The following DPF3 variants were observed in gnomAD, a reference collection of about 807,000 sequenced individuals.
DPF3 encodes double PHD fingers 3.
In DPF3, 18 loss-of-function variants were observed where a neutral mutation model predicts 56.8. The observed-to-expected ratio is 0.32, with a 90% CI of 0.22 to 0.47. The LOEUF (loss-of-function observed/expected upper bound fraction) is 0.47, where lower values mean the gene tolerates loss of function less well. Ranked by LOEUF, DPF3 falls within the 20% of genes least tolerant of loss-of-function variation. The pLI is 1.00. For missense variants in DPF3, 403 were observed against 488.8 expected, an observed-to-expected ratio of 0.82 and a Z score of 1.65; for synonymous variants, 188 against 180.2, an observed-to-expected ratio of 1.04 and a Z score of -0.35.
chr14:72,739,692 G>C (rs1402055804), intron 3 of DPF3, among the ~76,000 whole-genome samples: 4 of 152,192 alleles, frequency 2.6e-5, no homozygotes, highest in Non-Finnish European at 5.9e-5. Context: ...CGCTGGTGCT[G>C]CTCCAAGTCC....
chr14:72,845,159 C>G (rs1884698579), intron 1 of DPF3, among the ~76,000 whole-genome samples: 1 of 152,122 alleles, frequency 6.6e-6, no homozygotes, highest in African/African-American at 2.4e-5. Context: ...CCCACTCCAC[C>G]CTAACTCCCT....
At chr14:72,890,220 G>T (rs1173815751) in intron 1 of DPF3, among the ~76,000 whole-genome samples, 1 of 152,120 alleles carries the variant, frequency 6.6e-6, no homozygotes, top group Non-Finnish European at 1.5e-5. Flanking sequence ...GCCAGACATC[G>T]TGGCTCACTC....
intron 1 of DPF3, among the ~76,000 whole-genome samples, chr14:72,824,360 G>A (rs1341576028): frequency 2.0e-5 from 3 of 152,092 alleles, no homozygotes; most frequent in Admixed American, 1.3e-4. Context: ...ACACTTTCAC[G>A]TGTCCACACT....
At chr14:72,721,303 C>T (rs1889163024) in intron 5 of DPF3, among the ~76,000 whole-genome samples, 1 of 152,198 alleles carries the variant, frequency 6.6e-6, no homozygotes, top group Non-Finnish European at 1.5e-5. Context: ...CCACTGACTG[C>T]AAGCTCAATC....
intron 1 of DPF3, chr14:72,836,198 G>C: frequency 1.0e-6 from 1 of 985,858 alleles, no homozygotes; most frequent in Non-Finnish European, 1.2e-6. Flanking sequence ...GGGGCACTGA[G>C]GACAGAGCAC....
intron 1 of DPF3, among the ~76,000 whole-genome samples, chr14:72,826,495 T>C (rs1355348862): frequency 6.6e-6 from 1 of 152,028 alleles, no homozygotes; most frequent in African/African-American, 2.4e-5. Flanking sequence ...CTAAAGAAAA[T>C]TGCCTCTATC....
chr14:72,823,647 T>C (rs1883654977), intron 1 of DPF3, among the ~76,000 whole-genome samples: 1 of 152,172 alleles, frequency 6.6e-6, no homozygotes. Context: ...AAGAATTCTT[T>C]CTTGGCTTCC....
intron 1 of DPF3, among the ~76,000 whole-genome samples, chr14:72,890,629 C>T (rs1308833891): frequency 6.6e-6 from 1 of 152,098 alleles, no homozygotes; most frequent in Admixed American, 6.6e-5. Context: ...TACTTCACTA[C>T]CTGGGCCTTA....
intron 1 of DPF3, among the ~76,000 whole-genome samples, chr14:72,881,318 TTGTTGTTGTTGTTGTTGC>T (rs1462111980): frequency 6.4e-5 from 9 of 141,638 alleles, no homozygotes; most frequent in Non-Finnish European, 1.5e-4. Context: ...GTTGTTGTTG[TTGTTGTTGTTGTTGTTGC>T]TGTTGTTGTT....
At chr14:72,667,457 C>G (rs1225575091) in intron 8 of DPF3, among the ~76,000 whole-genome samples, 2 of 152,172 alleles carry the variant, frequency 1.3e-5, no homozygotes, top group Non-Finnish European at 2.9e-5. Context: ...CAGGGTGGTA[C>G]TTTACTGAGC....
intron 7 of DPF3, among the ~76,000 whole-genome samples, chr14:72,677,356 C>T (rs1447583432): frequency 1.4e-4 from 22 of 152,162 alleles, no homozygotes; most frequent in African/African-American, 2.4e-5. Context: ...TGCTTATGCA[C>T]CTGATTTTCT....
chr14:72,837,653 G>A (rs1199222310), intron 1 of DPF3, among the ~76,000 whole-genome samples: 2 of 152,030 alleles, frequency 1.3e-5, no homozygotes, highest in African/African-American at 2.4e-5. Context: ...CAGAAGAATC[G>A]CTTGAACCTG....
chr14:72,714,371 C>T (rs1157026254), intron 6 of DPF3, 52 bp downstream of exon 6: 3 of 1,605,740 alleles, frequency 1.9e-6, no homozygotes, highest in African/African-American at 2.7e-5. Flanking sequence ...GAAGAGGGGC[C>T]CTGGGGGCAG....
At chr14:72,793,144 G>T (rs914905594) in intron 1 of DPF3, among the ~76,000 whole-genome samples, 2 of 152,230 alleles carry the variant, frequency 1.3e-5, no homozygotes, top group Non-Finnish European at 2.9e-5. Flanking sequence ...GAAATCAATA[G>T]AACTGCCTTG....
Position 72,619,980 on chromosome 14 carries a change from T to TG in DPF3, c.988dup (p.Gln330ProfsTer7), listed in dbSNP as rs1567177859. On this transcript the variant is annotated frameshift_variant, in exon 10 of 11. Coordinates refer to ENST00000556509, the MANE Select transcript of DPF3 (RefSeq NM_001280542.3). LOFTEE classifies it high-confidence loss of function. ...GTCACAGTCATCGCAGAAGAGTAGCTGGTCCTGGTGGAACACAGAGTAAGC... is the reference window on the plus strand; with the variant it reads ...GTCACAGTCATCGCAGAAGAGTAGCTGGGTCCTGGTGGAACACAGAGTAAGC... 6.5e-7 allele frequency: 1 copy of TG among 1,534,014 alleles called. No homozygotes were observed. Among genetic ancestry groups the TG allele is most frequent in the East Asian group, 2.4e-5 (1 of 40,856 alleles).
intron 8 of DPF3, among the ~76,000 whole-genome samples, chr14:72,634,849 G>A (rs1885341754): frequency 6.6e-6 from 1 of 151,896 alleles, no homozygotes; most frequent in Non-Finnish European, 1.5e-5. Flanking sequence ...GGCCCCCCTG[G>A]GTGCCATGAT....
intron 8 of DPF3, among the ~76,000 whole-genome samples, chr14:72,637,340 AC>A (rs1885413106): frequency 6.6e-6 from 1 of 152,182 alleles, no homozygotes; most frequent in South Asian, 2.1e-4. Flanking sequence ...TATACAATTT[AC>A]TCGACTCAAC....
intron 2 of DPF3, among the ~76,000 whole-genome samples, chr14:72,764,381 T>C (rs1316621742): frequency 2.0e-5 from 3 of 151,988 alleles, no homozygotes; most frequent in Non-Finnish European, 4.4e-5. Context: ...TCATGTCTCT[T>C]TTCCCCTTAC....
rs1036324579 is a variant in DPF3 at position 72,613,521 on chromosome 14, G to T, written c.*5776C>A. Among the ~76,000 whole-genome samples, 4 of 152,196 alleles carry T rather than the reference G, an allele frequency of 2.6e-5. No individual in the cohort carries two copies. Among genetic ancestry groups the T allele is most frequent in the African/African-American group, 7.2e-5 (3 of 41,446 alleles). On this transcript the variant is annotated 3_prime_UTR_variant, in exon 11 of 11. Transcript: ENST00000556509. ...GAAGGTCCCTCTCTCAAGGCCACCT[G>T]CCCTATGACCTGAGGTTGGCACTGG...
Sources: gnomAD v4.1 joint callset for allele counts (sites outside exome capture counted in the v4.1 genomes callset) on GRCh38, gnomAD v4.1.1 for gene constraint, MANE v1.5 for transcripts, NCBI Gene and HGNC (gene_info 2026-07-23, HGNC 2026-07-21) for gene names.